The following JAZF1 variants were observed in gnomAD, a reference collection of about 807,000 sequenced individuals.
JAZF1 encodes the protein juxtaposed with another zinc finger protein 1.
A neutral mutation model predicts 26.4 loss-of-function variants in JAZF1; 8 were observed. That is an observed-to-expected ratio of 0.30 (90% CI 0.18 to 0.55). JAZF1 has a LOEUF of 0.55. JAZF1 is among the 20% of genes least tolerant of loss of function. JAZF1 has a pLI of 0.94. For synonymous variants in JAZF1, 126 were observed against 122.3 expected (o/e 1.03, Z -0.20); for missense variants, 199 against 322.0 (o/e 0.62, Z 2.92).
chr7:27,961,412 G>A (rs1785183118), intron 2 of JAZF1, among the ~76,000 whole-genome samples: 2 of 152,178 alleles, frequency 1.3e-5, no homozygotes, highest in African/African-American at 4.8e-5. Flanking sequence ...TCTCAATTCC[G>A]ACTGCTGCCC....
intron 1 of JAZF1, among the ~76,000 whole-genome samples, chr7:28,054,830 G>C (rs548329144): frequency 2.0e-5 from 3 of 152,076 alleles, no homozygotes; most frequent in Admixed American, 6.6e-5. Flanking sequence ...GAGATGGACC[G>C]GAGAGCTGAA....
At chr7:27,958,100 A>G (rs1785129358) in intron 2 of JAZF1, among the ~76,000 whole-genome samples, 1 of 152,166 alleles carries the variant, frequency 6.6e-6, no homozygotes, top group Admixed American at 6.5e-5. Context: ...ATTTACTCAT[A>G]CATTTCTTAC....
chr7:27,972,891 A>T (rs528920539), intron 2 of JAZF1, among the ~76,000 whole-genome samples: 2 of 151,862 alleles, frequency 1.3e-5, no homozygotes, highest in South Asian at 2.1e-4. Flanking sequence ...ATCTATATAC[A>T]TATATGTATG....
chr7:27,867,110 A>G (rs1053326525), intron 3 of JAZF1, among the ~76,000 whole-genome samples: 24 of 152,192 alleles, frequency 1.6e-4, no homozygotes, highest in African/African-American at 5.3e-4. Flanking sequence ...TTAACTGTGA[A>G]ATAAAATGTG....
At chr7:27,855,226 G>A (rs1371818479) in intron 3 of JAZF1, among the ~76,000 whole-genome samples, 1 of 152,056 alleles carries the variant, frequency 6.6e-6, no homozygotes, top group Non-Finnish European at 1.5e-5. Flanking sequence ...AGCTAAAGCA[G>A]TGTGTAGAGG....
intron 1 of JAZF1, among the ~76,000 whole-genome samples, chr7:28,083,101 G>A (rs891819291): frequency 3.3e-5 from 5 of 152,132 alleles, no homozygotes; most frequent in African/African-American, 1.2e-4. Context: ...CCTGGCTGGG[G>A]CCATTGCCTT....
At chr7:28,155,041 T>G (rs1369408576) in intron 1 of JAZF1, among the ~76,000 whole-genome samples, 2 of 152,086 alleles carry the variant, frequency 1.3e-5, no homozygotes, top group African/African-American at 4.8e-5. Flanking sequence ...TGGCTTGCGG[T>G]TTACTAAATT....
intron 2 of JAZF1, among the ~76,000 whole-genome samples, chr7:27,900,483 T>C (rs1728405057): frequency 6.6e-6 from 1 of 152,216 alleles, no homozygotes. Context: ...AACATGTGGG[T>C]AGCTTGAAAT....
chr7:27,925,401 T>C (rs1047461635), intron 2 of JAZF1, among the ~76,000 whole-genome samples: 33 of 152,294 alleles, frequency 2.2e-4, no homozygotes, highest in African/African-American at 7.2e-4. Context: ...CCCAGTGTGG[T>C]ACTTTTTAAA....
intron 1 of JAZF1, among the ~76,000 whole-genome samples, chr7:28,044,375 TCATA>T (rs1180066228): frequency 1.3e-5 from 2 of 152,124 alleles, no homozygotes; most frequent in African/African-American, 4.8e-5. Context: ...AAGATGATGA[TCATA>T]CAATTTTCTC....
At chr7:27,916,898 C>T (rs993533889) in intron 2 of JAZF1, among the ~76,000 whole-genome samples, 4 of 152,192 alleles carry the variant, frequency 2.6e-5, no homozygotes, top group African/African-American at 9.6e-5. Context: ...GACACAAATA[C>T]ATTTTAGTGA....
At chr7:27,981,208 G>A (rs1038858902) in intron 2 of JAZF1, among the ~76,000 whole-genome samples, 1 of 152,114 alleles carries the variant, frequency 6.6e-6, no homozygotes, top group Non-Finnish European at 1.5e-5. Context: ...ATTATAATGA[G>A]GTGCCCAGTT....
At chr7:28,097,455 C>CTAAG (rs1784403604) in intron 1 of JAZF1, among the ~76,000 whole-genome samples, 1 of 152,226 alleles carries the variant, frequency 6.6e-6, no homozygotes, top group Non-Finnish European at 1.5e-5. Context: ...GAGCCTTTTA[C>CTAAG]TAAGCCCTGT....
intron 1 of JAZF1, among the ~76,000 whole-genome samples, chr7:28,060,120 T>C (rs1209551365): frequency 2.6e-5 from 4 of 152,230 alleles, no homozygotes; most frequent in South Asian, 2.1e-4. Flanking sequence ...TAATCTGTCA[T>C]TGATTGCCTA....
chr7:28,165,005 C>T (rs1216546452), intron 1 of JAZF1, among the ~76,000 whole-genome samples: 7 of 152,094 alleles, frequency 4.6e-5, no homozygotes, highest in Non-Finnish European at 5.9e-5. Flanking sequence ...CCCATCTCTA[C>T]AAAAAATATA....
At chr7:27,990,086 A>G (rs1785866878) in intron 2 of JAZF1, among the ~76,000 whole-genome samples, 1 of 152,366 alleles carries the variant, frequency 6.6e-6, no homozygotes, top group East Asian at 1.9e-4. Flanking sequence ...CATATACACC[A>G]TGGAATACTA....
intron 2 of JAZF1, among the ~76,000 whole-genome samples, chr7:27,976,141 G>A (rs913819725): frequency 1.3e-5 from 2 of 151,982 alleles, no homozygotes; most frequent in African/African-American, 4.8e-5. Flanking sequence ...TCAAGAGATC[G>A]AGACCATCCT....
intron 1 of JAZF1, among the ~76,000 whole-genome samples, chr7:28,114,173 A>G: frequency 6.6e-6 from 1 of 152,204 alleles, no homozygotes; most frequent in Middle Eastern, 3.2e-3. Flanking sequence ...CAGACTGTGG[A>G]GAACTTCATT....
At chr7:27,897,013 T>G (rs1784077116) in intron 2 of JAZF1, among the ~76,000 whole-genome samples, 1 of 152,184 alleles carries the variant, frequency 6.6e-6, no homozygotes, top group Admixed American at 6.5e-5. Flanking sequence ...GTCCTTAAAC[T>G]TCTTTCCCTC....
Sources: allele counts gnomAD v4.1 joint callset (sites outside exome capture counted in the v4.1 genomes callset), GRCh38; gene constraint gnomAD v4.1.1; transcripts MANE v1.5; gene names NCBI Gene and HGNC (gene_info 2026-07-23, HGNC 2026-07-21).